Variants in PRR16 observed in about 807,000 individuals in gnomAD.
The protein encoded by PRR16 is protein Largen.
In PRR16, 6 loss-of-function variants were observed where a neutral mutation model predicts 18.2. The observed-to-expected ratio is 0.33, with a 90% CI of 0.18 to 0.65. PRR16 has a LOEUF of 0.65. Among genes scored for constraint, PRR16 ranks in the 30% least tolerant of loss-of-function variants. PRR16 has a pLI of 0.74. For synonymous variants in PRR16, 151 were observed against 147.8 expected, an observed-to-expected ratio of 1.02 and a Z score of -0.16; for missense variants, 412 against 376.6, an observed-to-expected ratio of 1.09 and a Z score of -0.78.
At chr5:120,594,928 A>G (rs1434997765) in intron 1 of PRR16, among the ~76,000 whole-genome samples, 5 of 152,046 alleles carry the variant, frequency 3.3e-5, no homozygotes, top group Non-Finnish European at 7.4e-5. Flanking sequence ...AACTGGACCA[A>G]TTCCTTACAC....
chr5:120,472,867 C>G (rs750587322), intron 1 of PRR16, among the ~76,000 whole-genome samples: 1 of 152,006 alleles, frequency 6.6e-6, no homozygotes, highest in African/African-American at 2.4e-5. Flanking sequence ...TTCATTTTGT[C>G]GTTTCTTATG....
chr5:120,744,418 A>T, the PRR16 span, among the ~76,000 whole-genome samples: 1 of 152,182 alleles, frequency 6.6e-6, no homozygotes, highest in African/African-American at 2.4e-5. Context: ...GGAAGGAGAC[A>T]GATCTTTAGT....
At chr5:120,562,813 G>GT (rs771934937) in intron 1 of PRR16, among the ~76,000 whole-genome samples, 14 of 151,252 alleles carry the variant, frequency 9.3e-5, no homozygotes, top group Non-Finnish European at 1.3e-4. Flanking sequence ...TTTTAACTTT[G>GT]TTTTTTTATG....
intron 1 of PRR16, among the ~76,000 whole-genome samples, chr5:120,550,518 T>G (rs1752221341): frequency 6.6e-6 from 1 of 151,984 alleles, no homozygotes; most frequent in Non-Finnish European, 1.5e-5. Context: ...CCTCTTGTGT[T>G]GATTAAGACC....
chr5:120,744,709 A>G, the PRR16 span, among the ~76,000 whole-genome samples: 1 of 152,054 alleles, frequency 6.6e-6, no homozygotes, highest in Non-Finnish European at 1.5e-5. Flanking sequence ...CACATTTTCT[A>G]TTTGTATCAT....
intron 1 of PRR16, among the ~76,000 whole-genome samples, chr5:120,523,926 C>T (rs1433907133): frequency 6.6e-6 from 1 of 152,038 alleles, no homozygotes; most frequent in African/African-American, 2.4e-5. Flanking sequence ...ATTTGAAAAG[C>T]AGAGAGGGAA....
chr5:120,555,293 A>T (rs953093545), intron 1 of PRR16, among the ~76,000 whole-genome samples: 1 of 151,988 alleles, frequency 6.6e-6, no homozygotes, highest in African/African-American at 2.4e-5. Flanking sequence ...ACTGTTAAAA[A>T]TAAGTCAGTT....
At chr5:120,779,426 C>CAA in the PRR16 span, among the ~76,000 whole-genome samples, 2 of 148,812 alleles carry the variant, frequency 1.3e-5, no homozygotes, top group African/African-American at 5.0e-5. Context: ...CAAAACAAAA[C>CAA]AAAAAAACAC....
At chr5:120,613,809 A>T (rs763617326) in intron 1 of PRR16, among the ~76,000 whole-genome samples, 5 of 152,186 alleles carry the variant, frequency 3.3e-5, no homozygotes, top group Non-Finnish European at 7.4e-5. Flanking sequence ...TCCTTTAAGA[A>T]ATCTGGACTG....
At chr5:120,485,381 A>C (rs1415448851) in intron 1 of PRR16, among the ~76,000 whole-genome samples, 1 of 152,214 alleles carries the variant, frequency 6.6e-6, no homozygotes, top group Non-Finnish European at 1.5e-5. Context: ...TTATAAAAAG[A>C]CCATATAAGT....
chr5:120,786,035 TATTA>T, the PRR16 span, among the ~76,000 whole-genome samples: 2 of 151,500 alleles, frequency 1.3e-5, no homozygotes, highest in African/African-American at 4.8e-5. Context: ...TGCTAGTTTT[TATTA>T]ATTTTTAAAT....
At chr5:120,759,735 A>G in the PRR16 span, among the ~76,000 whole-genome samples, 1 of 152,186 alleles carries the variant, frequency 6.6e-6, no homozygotes, top group East Asian at 1.9e-4. Flanking sequence ...AACAGAATCT[A>G]AATTAAATAT....
intron 1 of PRR16, among the ~76,000 whole-genome samples, chr5:120,517,315 T>A (rs771686439): frequency 2.0e-5 from 3 of 152,182 alleles, no homozygotes; most frequent in African/African-American, 7.2e-5. Context: ...AACATTACAC[T>A]TGAAGCAGAA....
intron 1 of PRR16, among the ~76,000 whole-genome samples, chr5:120,577,900 A>C (rs932783935): frequency 1.1e-4 from 16 of 152,240 alleles, no homozygotes; most frequent in African/African-American, 3.6e-4. Context: ...ACTTAAGTTC[A>C]CACTGATAGA....
intron 1 of PRR16, among the ~76,000 whole-genome samples, chr5:120,536,151 T>A (rs1418327598): frequency 6.6e-6 from 1 of 152,198 alleles, no homozygotes; most frequent in Admixed American, 6.5e-5. Flanking sequence ...GTTGGCATAG[T>A]TAGTTAGCAA....
chr5:120,481,313 C>T (rs1436393925), intron 1 of PRR16: 3 of 436,206 alleles, frequency 6.9e-6, no homozygotes, highest in South Asian at 3.3e-5. Context: ...GTATTTTTAG[C>T]AGAGACGGGG....
intron 1 of PRR16, among the ~76,000 whole-genome samples, chr5:120,521,070 G>A (rs1751164030): frequency 6.6e-6 from 1 of 152,088 alleles, no homozygotes; most frequent in Non-Finnish European, 1.5e-5. Context: ...GTCAATTCTA[G>A]TGGAATCTCT....
chr5:120,785,119 G>A, the PRR16 span, among the ~76,000 whole-genome samples: 68 of 152,302 alleles, frequency 4.5e-4, no homozygotes, highest in East Asian at 0.012. Flanking sequence ...ACTTGCTAAT[G>A]GCTTCATTAG....
chr5:120,605,405 T>C (rs911089211), intron 1 of PRR16, among the ~76,000 whole-genome samples: 9 of 152,228 alleles, frequency 5.9e-5, no homozygotes, highest in Admixed American at 6.5e-5. Flanking sequence ...AAAATGTCTA[T>C]GTTGTCTTTC....
Sources: allele counts gnomAD v4.1 joint callset (sites outside exome capture counted in the v4.1 genomes callset), GRCh38; gene constraint gnomAD v4.1.1; transcripts MANE v1.5; gene names NCBI Gene and HGNC (gene_info 2026-07-23, HGNC 2026-07-21).